The following MRPL42 variants were observed in gnomAD, a reference collection of about 807,000 sequenced individuals.
MRPL42 encodes mitochondrial ribosomal protein L42.
A neutral mutation model predicts 17.9 loss-of-function variants in MRPL42; 17 were observed. That is an observed-to-expected ratio of 0.95 (90% confidence interval 0.65 to 1.42). MRPL42 has a LOEUF of 1.42. MRPL42 is among the 40% of genes most tolerant of loss of function. The pLI is 0.00. For synonymous variants in MRPL42, 59 were observed against 54.4 expected (o/e 1.08, Z -0.37); for missense variants, 177 against 175.2 (o/e 1.01, Z -0.06).
intron 2 of MRPL42, among the ~76,000 whole-genome samples, chr12:93,476,654 C>G (rs974420788): frequency 5.3e-5 from 8 of 152,202 alleles, no homozygotes; most frequent in Non-Finnish European, 1.0e-4. Context: ...AAAAGGCTTT[C>G]TTGAACCTGC....
chr12:93,469,167 T>A lies in MRPL42; in HGVS notation c.-94-25T>A. 8.5e-6 allele frequency: 6 copies of A among 702,908 alleles called. No individual in the cohort carries two copies. In the South Asian group the frequency reaches 1.2e-4, roughly 14 times the overall value. 43.5% of individuals were successfully genotyped at this position (702,908 alleles called of 1,614,324 possible). On this transcript the variant is annotated intron_variant, in intron 1 of 5. Coordinates refer to ENST00000549982, the MANE Select transcript of MRPL42 (RefSeq NM_014050.4). ...AACTTAAATTTACCATAGGTAGCAC[T>A]GATTTTTCTTTATCTCTTCAGCAGG...
intron 4 of MRPL42, among the ~76,000 whole-genome samples, chr12:93,484,497 C>T (rs747527546): frequency 1.8e-4 from 27 of 151,872 alleles, no homozygotes; most frequent in African/African-American, 2.7e-4. Flanking sequence ...TGCACTATGG[C>T]GTTCTGCACC....
intron 4 of MRPL42, 81 bp from the exon 5 acceptor site, chr12:93,487,416 T>A: frequency 7.7e-7 from 1 of 1,294,896 alleles, no homozygotes; most frequent in Non-Finnish European, 1.1e-6. Flanking sequence ...CTGAATATGG[T>A]AATTGTTTTA....
rs4761720 is a variant in MRPL42, at chr12:93,469,213, G to A, written c.-73G>A. The stretch of plus-strand genomic sequence containing the variant: ...GCAGGAGTAGAAATTGGTATGCTTA[G>A]AAGCAGATTCTAAAAGCAGTTTCTC... On this transcript the variant is annotated 5_prime_UTR_variant, in exon 2 of 6. Coordinates refer to ENST00000549982, the MANE Select transcript of MRPL42 (RefSeq NM_014050.4). 0.19 allele frequency: 230,147 copies of A among 1,219,284 alleles called. 24,014 individuals carry two copies. The highest frequency in any genetic ancestry group is 0.22 in the Non-Finnish European group (182,563 of 847,990). 75.5% of individuals were successfully genotyped at this position (1,219,284 alleles called of 1,614,324 possible). A position where few individuals can be genotyped will look rare whatever the true frequency, so the allele number is the denominator to read the frequency against.
intron 5 of MRPL42, among the ~76,000 whole-genome samples, chr12:93,490,548 A>G (rs1406145216): frequency 1.3e-5 from 2 of 152,188 alleles, no homozygotes; most frequent in Non-Finnish European, 2.9e-5. Context: ...TTCAACACAT[A>G]TTTATTTGAT....
chr12:93,483,896 A>G (rs1451187351), intron 4 of MRPL42, among the ~76,000 whole-genome samples: 1 of 152,156 alleles, frequency 6.6e-6, no homozygotes, highest in Non-Finnish European at 1.5e-5. Flanking sequence ...TTATTCTATA[A>G]GCTTTTTTGT....
chr12:93,482,918 G>A (rs1409248861), intron 4 of MRPL42, among the ~76,000 whole-genome samples: 5 of 149,562 alleles, frequency 3.3e-5, no homozygotes, highest in African/African-American at 4.9e-5. Context: ...TTGAGACAGA[G>A]TCTCACTCTG....
intron 5 of MRPL42, among the ~76,000 whole-genome samples, chr12:93,491,750 C>T (rs1183161964): frequency 6.6e-6 from 1 of 152,072 alleles, no homozygotes; most frequent in Non-Finnish European, 1.5e-5. Flanking sequence ...ATAGGTAGTT[C>T]TTCAGCTTTC....
At position 93,514,671 on chromosome 12, in the gene MRPL42, T is replaced by C. The variant is rs1288469506; in HGVS notation, c.*13450T>C. ...AGACTTGATTCTCCCCCTGAATCTA[T>C]ATGAAATAAATTTACTCCTATTTGA... On this transcript the variant is annotated 3_prime_UTR_variant, in exon 6 of 6. Coordinates refer to ENST00000549982, the MANE Select transcript of MRPL42 (RefSeq NM_014050.4). 1 of 152,216 alleles carries C rather than the reference T, an allele frequency of 6.6e-6. No homozygotes were observed. Among genetic ancestry groups the C allele is most frequent in the Non-Finnish European group, 1.5e-5 (1 of 68,032 alleles). The allele number at this position is 152,216 out of a possible 1,614,324, so 9.4% of individuals were successfully genotyped here.
intron 5 of MRPL42, among the ~76,000 whole-genome samples, chr12:93,489,168 T>G (rs1953365206): frequency 6.6e-6 from 1 of 152,098 alleles, no homozygotes; most frequent in South Asian, 2.1e-4. Flanking sequence ...GGAGGGAAGA[T>G]AGTAGAGTAA....
intron 4 of MRPL42, among the ~76,000 whole-genome samples, chr12:93,487,239 A>G (rs1283624613): frequency 2.0e-5 from 3 of 152,222 alleles, no homozygotes; most frequent in Non-Finnish European, 4.4e-5. Context: ...CTGGGATTAC[A>G]GGCATGAGCC....
intron 5 of MRPL42, among the ~76,000 whole-genome samples, chr12:93,496,314 C>T (rs1378745423): frequency 1.3e-5 from 2 of 152,098 alleles, no homozygotes; most frequent in African/African-American, 4.8e-5. Context: ...CCACCTCGGG[C>T]TCCCAAAGTG....
chr12:93,486,638 A>C (rs1880754695), intron 4 of MRPL42, among the ~76,000 whole-genome samples: 1 of 147,908 alleles, frequency 6.8e-6, no homozygotes, highest in African/African-American at 2.5e-5. Flanking sequence ...GCACCCGGCC[A>C]AAAAATGTCA....
chr12:93,471,162 C>T (rs1430809759), intron 2 of MRPL42, among the ~76,000 whole-genome samples: 1 of 152,064 alleles, frequency 6.6e-6, no homozygotes, highest in Non-Finnish European at 1.5e-5. Flanking sequence ...CCAGATCCTA[C>T]TCTATTTTAT....
In MRPL42 at chr12:93,515,822, A is replaced by G. The variant is rs1953776396; in HGVS notation, c.*14601A>G. On this transcript the variant is annotated 3_prime_UTR_variant, in exon 6 of 6. Coordinates refer to ENST00000549982, the MANE Select transcript of MRPL42 (RefSeq NM_014050.4). ...TCTCACAGAATACCAACATTAAACA[A>G]GATGACTCTGAAACCTTAATAAAGT... is the stretch of plus-strand genomic sequence containing the variant. 6.6e-6 allele frequency: 1 copy of G among 152,236 alleles called. No homozygotes were observed. The highest frequency in any genetic ancestry group is 6.5e-5 in the Admixed American group (1 of 15,290). The allele number at this position is 152,236 out of a possible 1,614,324, so 9.4% of individuals were successfully genotyped here. A position where few individuals can be genotyped will look rare whatever the true frequency, so the allele number is the denominator to read the frequency against.
intron 3 of MRPL42, 109 bp from the exon 4 acceptor site, chr12:93,479,279 A>C (rs553336513): frequency 3.6e-6 from 2 of 560,412 alleles, no homozygotes; most frequent in African/African-American, 4.2e-5. Context: ...TGCCCACTGC[A>C]CTCCAGCCTG....
intron 2 of MRPL42, among the ~76,000 whole-genome samples, chr12:93,469,953 A>C (rs947121685): frequency 6.7e-6 from 1 of 150,204 alleles, no homozygotes; most frequent in African/African-American, 2.4e-5. Context: ...GTTCGATTAC[A>C]TGTATTACTT....
Position 93,501,276 on chromosome 12 carries a change from A to G in MRPL42, c.*55A>G. The G allele has an allele frequency of 3.5e-6, 5 of 1,409,000 alleles. No homozygotes were observed. Among genetic ancestry groups the G allele is most frequent in the Admixed American group, 2.0e-5 (1 of 50,210 alleles). The allele number at this position is 1,409,000 out of a possible 1,614,324, so 87.3% of individuals were successfully genotyped here. A position where few individuals can be genotyped will look rare whatever the true frequency, so the allele number is the denominator to read the frequency against. ...AATGTGCCTCATTTGCCATTTGAGA[A>G]AATGCAGTCTGGTGTATTCAGTAAT... On this transcript the variant is annotated 3_prime_UTR_variant, in exon 6 of 6. Coordinates refer to ENST00000549982, the MANE Select transcript of MRPL42 (RefSeq NM_014050.4).
intron 2 of MRPL42, among the ~76,000 whole-genome samples, chr12:93,473,412 C>T (rs1343394995): frequency 2.0e-5 from 3 of 151,758 alleles, no homozygotes; most frequent in Admixed American, 1.3e-4. Context: ...CAGATGTGTA[C>T]TACCATGTCT....
Sources: gnomAD v4.1 joint callset for allele counts (sites outside exome capture counted in the v4.1 genomes callset) on GRCh38, gnomAD v4.1.1 for gene constraint, MANE v1.5 for transcripts, NCBI Gene and HGNC (gene_info 2026-07-23, HGNC 2026-07-21) for gene names.